The following FBXL20 variants were observed in gnomAD, a reference collection of about 807,000 sequenced individuals.
FBXL20 encodes F-box and leucine rich repeat protein 20, also known as F-box/LRR-repeat protein 20.
A neutral mutation model predicts 64.0 loss-of-function variants in FBXL20; 11 were observed. The ratio of observed to expected loss-of-function variants is 0.17; its 90% CI spans 0.11 to 0.28. The LOEUF is 0.28. FBXL20 is among the 10% of genes least tolerant of loss of function. The probability of loss-of-function intolerance (pLI) is 1.00; values close to 1 mark genes in which losing one functional copy is unlikely to be tolerated. For missense variants in FBXL20, 303 were observed against 526.2 expected (o/e 0.58, Z 4.15); for synonymous variants, 184 against 189.0 (o/e 0.97, Z 0.22).
intron 2 of FBXL20, 95 bp downstream of exon 2, chr17:39,343,085 T>C: frequency 1.3e-6 from 1 of 761,140 alleles, no homozygotes; most frequent in Non-Finnish European, 2.1e-6. Flanking sequence ...ACAGATACTA[T>C]ACATATATGA....
rs567525466 is a variant in FBXL20, at chr17:39,395,588, T to C, written c.42+5773A>G. On this transcript the variant is annotated intron_variant, in intron 1 of 14. Transcript: ENST00000264658. ...ATTGTTTTCAAACCAGTTGCTAGAG[T>C]GTTAAAAACAAAATTCCTTAGTTTC... 3.3e-5 allele frequency among the ~76,000 whole-genome samples: 5 copies of C among 152,276 alleles called. No individual in the cohort carries two copies. In the East Asian group the frequency reaches 9.6e-4, roughly 29 times the overall value.
intron 12 of FBXL20, among the ~76,000 whole-genome samples, chr17:39,268,250 G>A (rs988813882): frequency 2.6e-5 from 4 of 152,136 alleles, no homozygotes; most frequent in African/African-American, 9.7e-5. Context: ...CTACTTCAGA[G>A]GCCAAGGCAG....
chr17:39,340,245 T>C (rs796610675), intron 2 of FBXL20, among the ~76,000 whole-genome samples: 22 of 152,256 alleles, frequency 1.4e-4, no homozygotes, highest in African/African-American at 5.1e-4. Flanking sequence ...TACAGGCATG[T>C]GCCACCATGC....
intron 6 of FBXL20, among the ~76,000 whole-genome samples, chr17:39,296,649 T>C (rs956230429): frequency 6.6e-6 from 1 of 151,526 alleles, no homozygotes; most frequent in African/African-American, 2.4e-5. Flanking sequence ...ACTGTAAGCC[T>C]CTTGAGGATG....
At chr17:39,321,118 T>A (rs2047351925) in intron 2 of FBXL20, among the ~76,000 whole-genome samples, 1 of 151,624 alleles carries the variant, frequency 6.6e-6, no homozygotes, top group Non-Finnish European at 1.5e-5. Context: ...TTAAGAATAC[T>A]CCCAGTATAT....
intron 1 of FBXL20, among the ~76,000 whole-genome samples, chr17:39,382,236 G>A (rs1403077550): frequency 2.0e-5 from 3 of 152,032 alleles, no homozygotes; most frequent in African/African-American, 7.2e-5. Flanking sequence ...AAGGTAAGGA[G>A]ATCGAGACCA....
At chr17:39,271,647 C>T (rs1305701616) in intron 10 of FBXL20, among the ~76,000 whole-genome samples, 1 of 136,724 alleles carries the variant, frequency 7.3e-6, no homozygotes, top group Admixed American at 7.4e-5. Flanking sequence ...TGCTTAATTA[C>T]AGGTCTATCC....
chr17:39,266,068 T>A (rs1421823638), intron 12 of FBXL20, among the ~76,000 whole-genome samples: 4 of 1,080 alleles, frequency 3.7e-3, no homozygotes, highest in Non-Finnish European at 2.6e-3. Context: ...ATTCATTCTT[T>A]TTTTTTTTTT....
intron 1 of FBXL20, among the ~76,000 whole-genome samples, chr17:39,390,559 T>C (rs1467366050): frequency 6.8e-6 from 1 of 146,626 alleles, no homozygotes; most frequent in Non-Finnish European, 1.5e-5. Flanking sequence ...CAAGACTCCA[T>C]CTTAAAAAAA....
intron 1 of FBXL20, among the ~76,000 whole-genome samples, chr17:39,369,256 CTTTTT>C (rs72363930): frequency 8.1e-5 from 8 of 98,582 alleles, no homozygotes; most frequent in African/African-American, 2.6e-4. Flanking sequence ...GAATTCAATG[CTTTTT>C]TTTTTTTTTT....
In FBXL20 at chr17:39,258,301, T is replaced by C. The variant is rs948527610; in HGVS notation, c.*3159A>G. ...AGGCTCCTTTCCACCTGACCAAAAC[T>C]TACCATGCTTTGTGTTCTCTCAAAG... On this transcript the variant is annotated 3_prime_UTR_variant, in exon 15 of 15. Coordinates refer to ENST00000264658, the MANE Select transcript of FBXL20 (RefSeq NM_032875.3). 3 of 152,220 alleles carry C rather than the reference T, an allele frequency of 2.0e-5. No individual in the cohort carries two copies. Among genetic ancestry groups the C allele is most frequent in the African/African-American group, 7.2e-5 (3 of 41,468 alleles). The allele number at this position is 152,220 out of a possible 1,614,324, so 9.4% of individuals were successfully genotyped here. A position where few individuals can be genotyped will look rare whatever the true frequency, so the allele number is the denominator to read the frequency against.
In FBXL20 at chr17:39,401,413, G is replaced by A. The variant is rs773382172; in HGVS notation, c.-11C>T. On this transcript the variant is annotated 5_prime_UTR_variant, in exon 1 of 15. Coordinates refer to ENST00000264658, the MANE Select transcript of FBXL20 (RefSeq NM_032875.3). The stretch of plus-strand genomic sequence containing the variant: ...CACGTCCCTCCTCATGGGGCCGGCG[G>A]GTGCGGCCCGGGCCGGGCGCTGCGG... 1 of 1,596,334 alleles carries A rather than the reference G, an allele frequency of 6.3e-7. No individual in the cohort carries two copies. The highest frequency in any genetic ancestry group is 2.3e-5 in the East Asian group (1 of 43,298).
Position 39,401,566 on chromosome 17 carries a change from C to A in FBXL20, c.-164G>T. The A allele has an allele frequency of 7.1e-7, 1 of 1,409,566 alleles. No homozygotes were observed. Among genetic ancestry groups the A allele is most frequent in the South Asian group, 1.5e-5 (1 of 64,658 alleles). The allele number at this position is 1,409,566 out of a possible 1,614,324, so 87.3% of individuals were successfully genotyped here. On this transcript the variant is annotated 5_prime_UTR_variant, in exon 1 of 15. Transcript: ENST00000264658. ...AGACCTCTCGGCTCCGGCTAGGCCTCCACCACCTCCCGCGGCGCCGGCGGC... is the reference window on the plus strand; with the variant it reads ...AGACCTCTCGGCTCCGGCTAGGCCTACACCACCTCCCGCGGCGCCGGCGGC...
At chr17:39,303,387 C>T (rs1231770553) in intron 3 of FBXL20, among the ~76,000 whole-genome samples, 198 bp downstream of exon 3, 8 of 152,006 alleles carry the variant, frequency 5.3e-5, no homozygotes, top group Admixed American at 2.0e-4. Context: ...ATAAGAGATA[C>T]AAAAAGTCAG....
chr17:39,284,062 A>T (rs1251740454), intron 7 of FBXL20, among the ~76,000 whole-genome samples: 1 of 152,170 alleles, frequency 6.6e-6, no homozygotes, highest in East Asian at 1.9e-4. Context: ...CATAGCATTT[A>T]TTCCACAATA....
intron 2 of FBXL20, among the ~76,000 whole-genome samples, chr17:39,312,322 G>C (rs1347660348): frequency 6.6e-6 from 1 of 151,632 alleles, no homozygotes; most frequent in East Asian, 2.0e-4. Context: ...GCTGAGGCAG[G>C]AGAATCGCTT....
intron 2 of FBXL20, among the ~76,000 whole-genome samples, chr17:39,305,091 A>C (rs896078419): frequency 6.6e-6 from 1 of 152,172 alleles, no homozygotes; most frequent in Admixed American, 6.6e-5. Flanking sequence ...AGTATTTTAC[A>C]GTTATGAAGA....
At chr17:39,312,965 C>T (rs1391089085) in intron 2 of FBXL20, among the ~76,000 whole-genome samples, 1 of 143,022 alleles carries the variant, frequency 7.0e-6, no homozygotes, top group African/African-American at 2.7e-5. Flanking sequence ...GTTGCCCAGA[C>T]TGGACTGCAG....
Position 39,261,412 on chromosome 17 carries a change from A to G in FBXL20, c.*48T>C, listed in dbSNP as rs766701318. On this transcript the variant is annotated 3_prime_UTR_variant, in exon 15 of 15. Coordinates refer to ENST00000264658, the MANE Select transcript of FBXL20 (RefSeq NM_032875.3). ...ACTGGAGAGACTCCACGGTAGCTCT[A>G]GAAGTGTCATTAAATACTCAGTTCG... is the stretch of plus-strand genomic sequence containing the variant. The G allele has an allele frequency of 4.2e-6, 6 of 1,445,136 alleles. No individual in the cohort carries two copies. In the South Asian group the frequency reaches 5.7e-5, roughly 14 times the overall value. The allele number at this position is 1,445,136 out of a possible 1,614,324, so 89.5% of individuals were successfully genotyped here.
Sources: allele counts gnomAD v4.1 joint callset (sites outside exome capture counted in the v4.1 genomes callset), GRCh38; gene constraint gnomAD v4.1.1; transcripts MANE v1.5; gene names NCBI Gene and HGNC (gene_info 2026-07-23, HGNC 2026-07-21).